ATG4A: variants seen among roughly 807,000 people sequenced by gnomAD.
The protein encoded by ATG4A is cysteine protease ATG4A.
A neutral mutation model predicts 38.4 loss-of-function variants in ATG4A; 22 were observed. The ratio of observed to expected loss-of-function variants is 0.57; its 90% CI spans 0.41 to 0.82. ATG4A has a LOEUF of 0.82. ATG4A is among the 40% of genes least tolerant of loss of function. The pLI is 0.00. For synonymous variants in ATG4A, 86 were observed against 100.7 expected (o/e 0.85, Z 0.88); for missense variants, 220 against 290.0 (o/e 0.76, Z 1.75).
At chrX:108,111,269 C>T (rs1291453940) in intron 1 of ATG4A, among the ~76,000 whole-genome samples, 1 of 112,080 alleles carries the variant, frequency 8.9e-6, no homozygotes, top group Non-Finnish European at 1.9e-5. Context: ...CTAAATCTTG[C>T]TTTTCCAATA....
chrX:108,146,328 C>T (rs1445833982), intron 9 of ATG4A, among the ~76,000 whole-genome samples: 2 of 111,426 alleles, frequency 1.8e-5, no homozygotes. Context: ...CTATCAATTT[C>T]ACTTCTAGGA....
chrX:108,089,203 A>T (rs1159221552), upstream of ATG4A, among the ~76,000 whole-genome samples: 1 of 112,388 alleles, frequency 8.9e-6, no homozygotes, highest in East Asian at 2.8e-4. Context: ...TTACATGTAT[A>T]GTATCATTTA....
At chrX:108,101,868 A>T (rs1456045285) in intron 1 of ATG4A, among the ~76,000 whole-genome samples, 2 of 109,831 alleles carry the variant, frequency 1.8e-5, no homozygotes, top group African/African-American at 3.3e-5. Context: ...ATTTAACATA[A>T]TGTCTTCAAG....
chrX:108,128,339 A>G (rs2032856644), intron 2 of ATG4A, among the ~76,000 whole-genome samples: 1 of 111,383 alleles, frequency 9.0e-6, no homozygotes, highest in Admixed American at 9.5e-5. Flanking sequence ...CACTGGGATT[A>G]CAGGTGTGAG....
At chrX:108,152,520 C>T (rs1201401659) in intron 11 of ATG4A, among the ~76,000 whole-genome samples, 4 of 112,048 alleles carry the variant, frequency 3.6e-5, no homozygotes, top group Non-Finnish European at 7.5e-5. Context: ...CATGAGTCAC[C>T]GTGCCCAGCT....
At chrX:108,090,950 T>C (rs2031595111), upstream of ATG4A, among the ~76,000 whole-genome samples, 1 of 112,717 alleles carries the variant, frequency 8.9e-6, no homozygotes, top group Non-Finnish European at 1.9e-5. Context: ...GCCGAGTATT[T>C]ACCACAATTT....
At chrX:108,147,276 G>A (rs983651490) in intron 9 of ATG4A, among the ~76,000 whole-genome samples, 6 of 111,609 alleles carry the variant, frequency 5.4e-5, no homozygotes, top group African/African-American at 1.3e-4. Flanking sequence ...AGCATGGGCC[G>A]GGGAGGGGAT....
chrX:108,138,048 G>T, intron 8 of ATG4A, 57 bp downstream of exon 8: 1 of 1,198,097 alleles, frequency 8.3e-7, no homozygotes, highest in Non-Finnish European at 1.1e-6. Flanking sequence ...CGCCATCTCA[G>T]CACAGAGATC....
At chrX:108,134,243 G>T in intron 5 of ATG4A, 85 bp downstream of exon 5, 3 of 1,130,726 alleles carry the variant, frequency 2.7e-6, no homozygotes, top group Non-Finnish European at 2.4e-6. Flanking sequence ...CCATTAAGTT[G>T]TCCATCTGCT....
At chrX:108,110,695 G>T (rs894086733) in intron 1 of ATG4A, among the ~76,000 whole-genome samples, 1 of 111,681 alleles carries the variant, frequency 9.0e-6, no homozygotes, top group Non-Finnish European at 1.9e-5. Flanking sequence ...AGAACATGTG[G>T]TATTTAACTT....
chrX:108,091,650 C>A (rs1029653691), upstream of ATG4A: 22 of 904,440 alleles, frequency 2.4e-5, no homozygotes, highest in Non-Finnish European at 3.0e-5. Context: ...TTTCTTTTCC[C>A]GTCGCGCGGC....
chrX:108,141,069 TAC>T (rs1257506852), intron 9 of ATG4A, among the ~76,000 whole-genome samples: 1,470 of 29,218 alleles, frequency 0.05, 203 homozygotes, highest in Non-Finnish European at 0.068. Flanking sequence ...TGTATATATA[TAC>T]ATATATATAT....
chrX:108,127,483 C>T (rs1480581788), intron 2 of ATG4A, among the ~76,000 whole-genome samples: 1 of 111,764 alleles, frequency 8.9e-6, no homozygotes, highest in Non-Finnish European at 1.9e-5. Flanking sequence ...TAATTCTCCC[C>T]ATTTATGGAT....
chrX:108,092,010 G>A (rs1470417242), intron 1 of ATG4A, 174 bp downstream of exon 1: 2 of 823,551 alleles, frequency 2.4e-6, no homozygotes, highest in East Asian at 3.5e-5. Flanking sequence ...AAGGGACAAG[G>A]GTTGGAGCTG....
Position 108,134,101 on chromosome X carries a change from C to G in ATG4A, c.337C>G (p.Arg113Gly). 8.3e-7 allele frequency: 1 copy of G among 1,206,933 alleles called. No individual in the cohort carries two copies. Among genetic ancestry groups the G allele is most frequent in the Non-Finnish European group, 1.1e-6 (1 of 894,155 alleles). The stretch of plus-strand genomic sequence containing the variant: ...AAAAGAACAACCCAAAGAATACCAA[C>G]GCATCCTACAGTGCTTCTTAGATAG... ...KQKEQPKEYQ[R>G]ILQCFLDRKD... Residue 113 changes from arginine (R) to glycine (G), a missense_variant, in exon 5 of 13, where the codon CGC (arginine) becomes GGC (glycine). Around this residue, in one of 3 missense-constraint regions of ATG4A, gnomAD observed 61 missense variants for 83.3 expected, o/e 0.73. Transcript: ENST00000372232.
At chrX:108,128,978 A>G (rs1007481473) in intron 3 of ATG4A, 126 bp downstream of exon 3, 2 of 396,532 alleles carry the variant, frequency 5.0e-6, no homozygotes, top group Admixed American at 1.0e-4. Flanking sequence ...TGAGGAGACT[A>G]GGTAAATCTT....
intron 6 of ATG4A, 124 bp downstream of exon 6, chrX:108,134,535 C>T (rs2033048142): frequency 1.8e-6 from 1 of 570,109 alleles, no homozygotes; most frequent in Admixed American, 3.8e-5. Flanking sequence ...TCCCACTAAA[C>T]CATCAAATAT....
chrX:108,110,661 T>G (rs935526871), intron 1 of ATG4A, among the ~76,000 whole-genome samples: 3 of 111,909 alleles, frequency 2.7e-5, no homozygotes, highest in East Asian at 5.6e-4. Context: ...GAAATTAACT[T>G]TTTTCAACTT....
At chrX:108,113,641 T>A (rs1413565437) in intron 1 of ATG4A, among the ~76,000 whole-genome samples, 3 of 111,147 alleles carry the variant, frequency 2.7e-5, no homozygotes, top group African/African-American at 9.8e-5. Flanking sequence ...GACTTATAGT[T>A]CCACATGGCT....
Sources: allele counts gnomAD v4.1 joint callset (sites outside exome capture counted in the v4.1 genomes callset), GRCh38; gene constraint gnomAD v4.1.1; regional missense constraint gnomAD v4.1.1; transcripts MANE v1.5; gene names NCBI Gene and HGNC (gene_info 2026-07-23, HGNC 2026-07-21).